PRKN: variants seen among roughly 807,000 people sequenced by gnomAD.
The protein encoded by PRKN is E3 ubiquitin-protein ligase parkin.
Under a neutral mutation model 59.5 loss-of-function variants are expected in PRKN, and 56 were observed. That is an observed-to-expected ratio of 0.94 (90% CI 0.76 to 1.18). The LOEUF (loss-of-function observed/expected upper bound fraction) is 1.18. PRKN is among the 50% of genes most tolerant of loss of function. The pLI is 0.00. For synonymous variants in PRKN, 250 were observed against 222.1 expected (o/e 1.13, Z -1.12); for missense variants, 657 against 596.4 (o/e 1.10, Z -1.06).
At chr6:162,241,989 A>T (rs1779007959) in intron 3 of PRKN, among the ~76,000 whole-genome samples, 3 of 152,076 alleles carry the variant, frequency 2.0e-5, no homozygotes, top group Admixed American at 6.6e-5. Context: ...AAACTACTTT[A>T]TTTATTCAAT....
chr6:161,596,075 G>T (rs981103010), intron 7 of PRKN, among the ~76,000 whole-genome samples: 1 of 152,190 alleles, frequency 6.6e-6, no homozygotes, highest in African/African-American at 2.4e-5. Context: ...AGTGGGGACT[G>T]CAAGGAGACT....
rs1408965378 is a variant in PRKN at position 161,475,719 on chromosome 6, C to T, written c.1083+73135G>A. 1.3e-5 allele frequency among the ~76,000 whole-genome samples: 2 copies of T among 152,032 alleles called. No individual in the cohort carries two copies. Among genetic ancestry groups the T allele is most frequent in the Non-Finnish European group, 2.9e-5 (2 of 68,016 alleles). ...TGAACTCCTGAGCTCAAGGAATCTG[C>T]TCGCCTCGGTCTCCCAAAGTGCTGG... On this transcript the variant is annotated intron_variant, in intron 9 of 11. Transcript: ENST00000366898. This position sits in a 1 kb window ranked among gnomAD's most constrained non-coding sequence, Gnocchi z 5.3.
intron 4 of PRKN, among the ~76,000 whole-genome samples, chr6:162,160,890 CAAAAAAA>C (rs56320816): frequency 1.2e-5 from 1 of 80,264 alleles, no homozygotes; most frequent in East Asian, 2.9e-4. Context: ...GACTCCGTCT[CAAAAAAA>C]AAAAAAAAAA....
chr6:162,172,206 A>G (rs1783312752), intron 4 of PRKN, among the ~76,000 whole-genome samples: 1 of 152,236 alleles, frequency 6.6e-6, no homozygotes, highest in Non-Finnish European at 1.5e-5. Context: ...ACTAAATGAC[A>G]GATCGGAGCG....
In PRKN at chr6:162,359,080, ATAT is replaced by A. The variant is rs1278841693; in HGVS notation, c.171+84227_171+84229del. On this transcript the variant is annotated intron_variant, in intron 2 of 11. Transcript: ENST00000366898. The stretch of plus-strand genomic sequence containing the variant: ...GTGGCAAAAAAAAAAAAAAAAAAAA[ATAT>A]ATATATATATATATGAAATCACTTT... 7.8e-3 allele frequency among the ~76,000 whole-genome samples: 426 copies of A among 54,708 alleles called. 4 individuals carry two copies. Among genetic ancestry groups the A allele is most frequent in the African/African-American group, 0.036 (405 of 11,286 alleles). 35.9% of individuals were successfully genotyped at this position (54,708 alleles called of 152,430 possible). A position where few individuals can be genotyped will look rare whatever the true frequency, so the allele number is the denominator to read the frequency against.
rs952714602 is a variant in PRKN, at chr6:162,192,926, C to G, written c.534+8205G>C. Among the ~76,000 whole-genome samples, 5 of 152,258 alleles carry G rather than the reference C, an allele frequency of 3.3e-5. No individual in the cohort carries two copies. In the South Asian group the frequency reaches 1.0e-3, roughly 32 times the overall value. ...CCATCTCTCCAGGGTCCTCATGATG[C>G]TGAGCTTTTGAGCATTCTAAAGGTA... On this transcript the variant is annotated intron_variant, in intron 4 of 11. Transcript: ENST00000366898.
At chr6:162,124,773 T>G (rs1394584756) in intron 4 of PRKN, among the ~76,000 whole-genome samples, 1 of 152,116 alleles carries the variant, frequency 6.6e-6, no homozygotes, top group East Asian at 1.9e-4. Context: ...ATAAGACAGC[T>G]GGATAGGAGA....
At chr6:162,623,978 G>A (rs989698033) in intron 1 of PRKN, among the ~76,000 whole-genome samples, 1 of 152,118 alleles carries the variant, frequency 6.6e-6, no homozygotes, top group Admixed American at 6.5e-5. Context: ...GCCAGGCATG[G>A]TGTCTCACAC....
At chr6:162,345,919 G>A (rs1056717579) in intron 2 of PRKN, among the ~76,000 whole-genome samples, 13 of 152,206 alleles carry the variant, frequency 8.5e-5, no homozygotes, top group African/African-American at 2.9e-4. Context: ...GCCTTTGGGA[G>A]GTAATTAAGA....
intron 1 of PRKN, among the ~76,000 whole-genome samples, chr6:162,559,961 G>A (rs1407225550): frequency 6.6e-6 from 1 of 152,176 alleles, no homozygotes; most frequent in Non-Finnish European, 1.5e-5. Context: ...TCTTGTCTCA[G>A]CTTTCTTCCA....
intron 5 of PRKN, among the ~76,000 whole-genome samples, chr6:162,052,891 A>G (rs982679518): frequency 1.3e-5 from 2 of 152,116 alleles, no homozygotes; most frequent in African/African-American, 4.8e-5. Flanking sequence ...AGATGTATAT[A>G]TAATTATATT....
At chr6:162,051,218 G>T (rs991544360) in intron 5 of PRKN, among the ~76,000 whole-genome samples, 2 of 152,102 alleles carry the variant, frequency 1.3e-5, no homozygotes, top group African/African-American at 4.8e-5. Flanking sequence ...GGGAAGCCAG[G>T]CTGAGAAAGT....
At chr6:161,745,650 A>C (rs1197439272) in intron 7 of PRKN, among the ~76,000 whole-genome samples, 2 of 152,180 alleles carry the variant, frequency 1.3e-5, no homozygotes, top group Non-Finnish European at 2.9e-5. Context: ...TAAAGGCTAG[A>C]ATATAGGAAA....
intron 6 of PRKN, among the ~76,000 whole-genome samples, chr6:161,847,433 C>G (rs927411043): frequency 1.4e-4 from 22 of 152,304 alleles, no homozygotes; most frequent in Middle Eastern, 3.4e-3. Flanking sequence ...CTGCCTTGCC[C>G]AAGGGCAGAG....
chr6:161,920,187 T>C (rs958936364), intron 6 of PRKN, among the ~76,000 whole-genome samples: 9 of 152,116 alleles, frequency 5.9e-5, no homozygotes, highest in Non-Finnish European at 1.0e-4. Context: ...AGTTTGAGAC[T>C]AGCCTGGCCA....
At chr6:162,662,823 T>C (rs905436893) in intron 1 of PRKN, among the ~76,000 whole-genome samples, 2 of 152,188 alleles carry the variant, frequency 1.3e-5, no homozygotes, top group African/African-American at 4.8e-5. Context: ...TTGGTTACTA[T>C]AGCTTTGTGG....
At position 162,433,411 on chromosome 6, in the gene PRKN, A is replaced by G. The variant is rs148816624; in HGVS notation, c.171+9899T>C. Among the ~76,000 whole-genome samples the G allele has an allele frequency of 7.2e-3, 1,099 of 152,304 alleles. 4 individuals carry two copies. Among genetic ancestry groups the G allele is most frequent in the Middle Eastern group, 0.024 (7 of 294 alleles). On this transcript the variant is annotated intron_variant, in intron 2 of 11. Coordinates refer to ENST00000366898, the MANE Select transcript of PRKN (RefSeq NM_004562.3). ...TCTAGTTGAACTCTTAAGTGATTTC[A>G]TCTAGTGTATGACATTCTTGAAGTT...
chr6:162,160,040 T>C (rs1422085958), intron 4 of PRKN, among the ~76,000 whole-genome samples: 1 of 152,204 alleles, frequency 6.6e-6, no homozygotes, highest in African/African-American at 2.4e-5. Flanking sequence ...AGAAACATTG[T>C]ATAAATTGGA....
intron 7 of PRKN, among the ~76,000 whole-genome samples, chr6:161,669,328 G>C (rs1382947262): frequency 1.3e-5 from 2 of 152,130 alleles, no homozygotes; most frequent in Non-Finnish European, 2.9e-5. Context: ...TCTTCACAGT[G>C]ACCGCCTCCA....
Sources: gnomAD v4.1 joint callset for allele counts (sites outside exome capture counted in the v4.1 genomes callset) on GRCh38, gnomAD v4.1.1 for gene constraint, Gnocchi (gnomAD v3.1) non-coding constraint, MANE v1.5 for transcripts, NCBI Gene and HGNC (gene_info 2026-07-23, HGNC 2026-07-21) for gene names.